Variants in MTMR9 observed in about 807,000 individuals in gnomAD.
MTMR9 encodes myotubularin related protein 9.
MTMR9 carries 39 observed loss-of-function variants against 69.5 expected under a neutral mutation model. The ratio of observed to expected loss-of-function variants is 0.56; its 90% CI spans 0.43 to 0.73. The LOEUF (loss-of-function observed/expected upper bound fraction) is 0.73. MTMR9 is among the 30% of genes least tolerant of loss of function. The probability of loss-of-function intolerance (pLI) is 0.00; values close to 1 mark genes in which losing one functional copy is unlikely to be tolerated. For synonymous variants in MTMR9, 354 were observed against 240.8 expected (o/e 1.47, Z -4.35); for missense variants, 900 against 671.2 (o/e 1.34, Z -3.77).
rs1799696802 is a variant in MTMR9, at chr8:11,300,011, T to G, written c.292-12T>G. ...TGTTTCTTTTTTGTCTTTCTTTTCT[T>G]TTTGCCCCCAGGCATTGTCTACTCT... On this transcript the variant is annotated splice_polypyrimidine_tract_variant and intron_variant, in intron 2 of 9. Transcript: ENST00000221086. 6.2e-7 allele frequency: 1 copy of G among 1,601,696 alleles called. No individual in the cohort carries two copies. The highest frequency in any genetic ancestry group is 8.5e-7 in the Non-Finnish European group (1 of 1,176,170).
At chr8:11,287,803 T>C (rs7840479) in intron 1 of MTMR9, among the ~76,000 whole-genome samples, 1 of 23,272 alleles carries the variant, frequency 4.3e-5, no homozygotes, top group African/African-American at 2.0e-4. Flanking sequence ...TAATACATAT[T>C]ATATAATACA....
At chr8:11,329,558 C>T (rs911420460), downstream of MTMR9, among the ~76,000 whole-genome samples, 6 of 152,362 alleles carry the variant, frequency 3.9e-5, no homozygotes, top group Middle Eastern at 3.4e-3. Flanking sequence ...GCGAGTGATC[C>T]GCCAGCCTCG....
At chr8:11,319,515 G>A in intron 8 of MTMR9, 172 bp from the exon 9 acceptor site, 2 of 640,628 alleles carry the variant, frequency 3.1e-6, no homozygotes, top group East Asian at 2.8e-5. Context: ...GAGTTCTAAT[G>A]CCGATTGAGC....
At position 11,322,855 on chromosome 8, in the gene MTMR9, T is replaced by C; in HGVS notation, c.*67T>C. On this transcript the variant is annotated 3_prime_UTR_variant, in exon 10 of 10. Transcript: ENST00000221086. ...TGTCCGCCGTTCTCTCCTTGTGCCC[T>C]TCAGTTCACTTTTACACGGTAGCCT... 1 of 1,460,290 alleles carries C rather than the reference T, an allele frequency of 6.8e-7. No individual in the cohort carries two copies. The highest frequency in any genetic ancestry group is 2.1e-5 in the Admixed American group (1 of 47,858). The allele number at this position is 1,460,290 out of a possible 1,614,324, so 90.5% of individuals were successfully genotyped here.
At chr8:11,330,033 C>A (rs556628799), downstream of MTMR9, among the ~76,000 whole-genome samples, 4 of 149,520 alleles carry the variant, frequency 2.7e-5, no homozygotes, top group African/African-American at 9.9e-5. Context: ...AGGAGCACCC[C>A]GCCCGGCAGC....
chr8:11,321,087 C>CT (rs1800664020), intron 9 of MTMR9: 1 of 166,884 alleles, frequency 6.0e-6, no homozygotes, highest in Non-Finnish European at 1.3e-5. Flanking sequence ...TGGATGTCAG[C>CT]TGTCACATCT....
At chr8:11,314,398 G>T (rs765519495) in intron 6 of MTMR9, among the ~76,000 whole-genome samples, 2 of 151,862 alleles carry the variant, frequency 1.3e-5, no homozygotes, top group Admixed American at 1.3e-4. Context: ...TTTTCCTGTT[G>T]TCGTGTTTCT....
chr8:11,333,098 G>A (rs1416899655), downstream of MTMR9, among the ~76,000 whole-genome samples: 2 of 152,184 alleles, frequency 1.3e-5, no homozygotes, highest in African/African-American at 4.8e-5. Flanking sequence ...TTTTAAAAAT[G>A]AGGGCTGAAA....
chr8:11,332,539 C>A (rs529280637), downstream of MTMR9, among the ~76,000 whole-genome samples: 3 of 151,184 alleles, frequency 2.0e-5, no homozygotes, highest in Non-Finnish European at 2.9e-5. Flanking sequence ...GTAGCTGAAA[C>A]GTGCGACAAC....
At position 11,287,984 on chromosome 8, in the gene MTMR9, TA is replaced by T. The variant is rs1292704256; in HGVS notation, c.182+2916del. 8.7e-4 allele frequency among the ~76,000 whole-genome samples: 111 copies of T among 127,648 alleles called. 2 individuals carry two copies. Among genetic ancestry groups the T allele is most frequent in the Non-Finnish European group, 7.8e-5 (5 of 63,920 alleles). 83.7% of individuals were successfully genotyped at this position (127,648 alleles called of 152,430 possible). On this transcript the variant is annotated intron_variant, in intron 1 of 9. Coordinates refer to ENST00000221086, the MANE Select transcript of MTMR9 (RefSeq NM_015458.4). ...TACTATGTATTATATATGTATTATA[TA>T]ATATATATTACATATAATACATAGT...
chr8:11,299,917 T>C (rs568065971), intron 2 of MTMR9, 106 bp from the exon 3 acceptor site: 13 of 1,260,190 alleles, frequency 1.0e-5, no homozygotes, highest in Admixed American at 2.3e-5. Flanking sequence ...ACATTCTGGG[T>C]GCCCATCATT....
rs1177959648 is a variant in MTMR9 at position 11,316,707 on chromosome 8, C to T, written c.1148C>T (p.Ser383Leu). 8.1e-6 allele frequency: 13 copies of T among 1,612,496 alleles called. No homozygotes were observed. Among genetic ancestry groups the T allele is most frequent in the Non-Finnish European group, 1.0e-5 (12 of 1,179,318 alleles). The change falls in exon 8 of 10, where the codon TCA (serine) becomes TTA (leucine). Residue 383 changes from serine (S) to leucine (L), a missense_variant. By Grantham distance (145) the Ser-to-Leu change is moderately radical. Coordinates refer to ENST00000221086, the MANE Select transcript of MTMR9 (RefSeq NM_015458.4). ...GHPFQQRCAQ[S>L]AYCNTKQKWE... ...CCATTCCAGCAGCGCTGTGCACAGT[C>T]AGCCTACTGTAACACCAAGCAGAAG...
rs76439389 is a variant in MTMR9, at chr8:11,302,798, A to G, written c.418-2043A>G. On this transcript the variant is annotated intron_variant, in intron 3 of 9. Transcript: ENST00000221086. ...TTGATTATATGCTTGTCTACATAGG[A>G]AAAGGAAAGAATCTTGAGATCATAG... 2.6e-3 allele frequency among the ~76,000 whole-genome samples: 391 copies of G among 152,266 alleles called. 1 individual carries two copies. The highest frequency in any genetic ancestry group is 9.0e-3 in the African/African-American group (375 of 41,548).
rs1339259953 is a variant in MTMR9, at chr8:11,284,969, C to T, written c.81C>T (p.Gly27=). The T allele has an allele frequency of 1.2e-6, 2 of 1,613,930 alleles. No homozygotes were observed. The highest frequency in any genetic ancestry group is 3.3e-5 in the Admixed American group (2 of 59,994). Residue 27 remains glycine (G), a synonymous_variant, in exon 1 of 10, where the codon GGC becomes GGT. Transcript: ENST00000221086. ...GGCCTTTCTACCCGGCTGTCGAGGG[C>T]ACCCTGTGCCTGACGGGCCACCACT... ...LHRPFYPAVE[G]TLCLTGHHLI...
At chr8:11,298,389 A>G (rs1459514633) in intron 2 of MTMR9, among the ~76,000 whole-genome samples, 1 of 151,868 alleles carries the variant, frequency 6.6e-6, no homozygotes, top group Non-Finnish European at 1.5e-5. Context: ...AAAAATATAT[A>G]TATATATATT....
At chr8:11,336,103 T>G in the MTMR9 span, among the ~76,000 whole-genome samples, 1 of 152,210 alleles carries the variant, frequency 6.6e-6, no homozygotes, top group Admixed American at 6.5e-5. Flanking sequence ...AGAGGTACAA[T>G]GTAATCAACC....
intron 2 of MTMR9, among the ~76,000 whole-genome samples, chr8:11,295,572 A>T (rs984239617): frequency 5.9e-5 from 9 of 152,194 alleles, no homozygotes; most frequent in Admixed American, 4.6e-4. Context: ...TGGAATTTCC[A>T]TGAGTTCATA....
At chr8:11,337,057 G>A in the MTMR9 span, among the ~76,000 whole-genome samples, 1 of 152,110 alleles carries the variant, frequency 6.6e-6, no homozygotes, top group African/African-American at 2.4e-5. Context: ...CAAAATCTTA[G>A]AGTTCTGGAC....
At chr8:11,285,637 T>C (rs1012376732) in intron 1 of MTMR9, among the ~76,000 whole-genome samples, 16 of 152,208 alleles carry the variant, frequency 1.1e-4, no homozygotes, top group African/African-American at 3.9e-4. Flanking sequence ...TCAATTCTGC[T>C]TGCTGAAAGA....
Sources: gnomAD v4.1 joint callset for allele counts (sites outside exome capture counted in the v4.1 genomes callset) on GRCh38, gnomAD v4.1.1 for gene constraint, MANE v1.5 for transcripts, NCBI Gene and HGNC (gene_info 2026-07-23, HGNC 2026-07-21) for gene names.